Variants in EVI5 observed in about 807,000 individuals in gnomAD.
The protein encoded by EVI5 is ecotropic viral integration site 5.
Under a neutral mutation model 112.0 loss-of-function variants are expected in EVI5, and 73 were observed. That is an observed-to-expected ratio of 0.65 (90% CI 0.54 to 0.79). The LOEUF (loss-of-function observed/expected upper bound fraction) is 0.79. EVI5 is among the 30% of genes least tolerant of loss of function. EVI5 has a pLI of 0.00. For missense variants in EVI5, 900 were observed against 968.8 expected (o/e 0.93, Z 0.94); for synonymous variants, 305 against 319.9 (o/e 0.95, Z 0.50).
chr1:92,636,278 A>T lies in EVI5; in HGVS notation c.1451T>A (p.Val484Asp). Residue 484 changes from valine to aspartate, a missense_variant, in exon 14 of 20, where the codon GTC becomes GAC. Val to Asp is a radical substitution (Grantham distance 152). Transcript: ENST00000684568. ...DFVLQLEKEL[V>D]QARLSEAESQ... ...CTCAGCTTCACTCAGTCGGGCTTGG[A>T]CCAATTCCTTCTCTAGCTGTAGCAC... 6.2e-7 allele frequency: 1 copy of T among 1,613,750 alleles called. No individual in the cohort carries two copies. The highest frequency in any genetic ancestry group is 8.5e-7 in the Non-Finnish European group (1 of 1,179,662).
chr1:92,728,387 C>CT lies in EVI5; in HGVS notation c.149+8010dup, dbSNP rs60133611. ...TCACTTGCCATGGTTTCTTTTTTTT[C>CT]TTTTTTTTTTGGAGACAAAGTCTCG... On this transcript the variant is annotated intron_variant, in intron 2 of 19. Coordinates refer to ENST00000684568, the MANE Select transcript of EVI5 (RefSeq NM_001350197.2). 1.0e-3 allele frequency among the ~76,000 whole-genome samples: 154 copies of CT among 147,996 alleles called. 1 individual carries two copies. Among genetic ancestry groups the CT allele is most frequent in the Non-Finnish European group, 1.1e-3 (76 of 66,970 alleles).
chr1:92,680,368 G>A (rs1173465191), intron 9 of EVI5, among the ~76,000 whole-genome samples: 2 of 152,176 alleles, frequency 1.3e-5, no homozygotes, highest in Non-Finnish European at 2.9e-5. Context: ...GGTTGCAAGG[G>A]TTCCCACTGG....
At chr1:92,752,973 T>C (rs1186824507) in intron 1 of EVI5, among the ~76,000 whole-genome samples, 1 of 151,818 alleles carries the variant, frequency 6.6e-6, no homozygotes, top group Non-Finnish European at 1.5e-5. Context: ...GTCAGACAAA[T>C]AGTGAATAAA....
chr1:92,782,412 A>C (rs955671356), intron 1 of EVI5, among the ~76,000 whole-genome samples: 1 of 152,210 alleles, frequency 6.6e-6, no homozygotes, highest in African/African-American at 2.4e-5. Flanking sequence ...ATCCAGAATA[A>C]AGCATTATAA....
chr1:92,630,750 A>G (rs1571988195), intron 14 of EVI5, among the ~76,000 whole-genome samples: 1 of 152,256 alleles, frequency 6.6e-6, no homozygotes. Flanking sequence ...GCCCACGCCT[A>G]TGTCCTAAAT....
At chr1:92,784,666 G>C (rs908851058) in intron 1 of EVI5, among the ~76,000 whole-genome samples, 170 bp downstream of exon 1, 1 of 151,964 alleles carries the variant, frequency 6.6e-6, no homozygotes, top group Non-Finnish European at 1.5e-5. Context: ...GAGGAAGCGA[G>C]TGCAGGGAAC....
intron 19 of EVI5, among the ~76,000 whole-genome samples, chr1:92,543,769 T>A (rs1465683103): frequency 6.6e-6 from 1 of 152,178 alleles, no homozygotes; most frequent in Non-Finnish European, 1.5e-5. Flanking sequence ...TGAAAAAGTT[T>A]AAAAAATTGT....
At chr1:92,557,488 G>A (rs987347587) in intron 19 of EVI5, among the ~76,000 whole-genome samples, 5 of 151,600 alleles carry the variant, frequency 3.3e-5, no homozygotes, top group East Asian at 1.9e-4. Flanking sequence ...TAGTAGAGAC[G>A]GGGTTTAGCC....
intron 19 of EVI5, among the ~76,000 whole-genome samples, chr1:92,524,019 C>T (rs1395368366): frequency 6.6e-6 from 1 of 150,964 alleles, no homozygotes; most frequent in Non-Finnish European, 1.5e-5. Context: ...ATTGCTTGAA[C>T]TTGGGAGGTG....
chr1:92,762,070 G>A (rs372785949), intron 1 of EVI5, among the ~76,000 whole-genome samples: 2 of 152,054 alleles, frequency 1.3e-5, no homozygotes, highest in African/African-American at 4.8e-5. Context: ...AAGATACACA[G>A]AGCACTGGCT....
At chr1:92,629,910 T>C (rs1031235874) in intron 14 of EVI5, among the ~76,000 whole-genome samples, 2 of 147,982 alleles carry the variant, frequency 1.4e-5, no homozygotes, top group African/African-American at 2.5e-5. Flanking sequence ...AGTGAGAACA[T>C]GTGGTGTTTG....
chr1:92,770,572 C>T (rs968994324), intron 1 of EVI5, among the ~76,000 whole-genome samples: 5 of 152,052 alleles, frequency 3.3e-5, no homozygotes, highest in Admixed American at 6.5e-5. Context: ...GGGCTGATCA[C>T]GAGGTCAGGA....
chr1:92,775,015 G>GATAGTAAAAATTCCCCATGTC (rs1683921116), intron 1 of EVI5, among the ~76,000 whole-genome samples: 1 of 152,202 alleles, frequency 6.6e-6, no homozygotes, highest in South Asian at 2.1e-4. Context: ...CACCATGAGA[G>GATAGTAAAAATTCCCCATGTC]ATAGTAAAAA....
chr1:92,662,084 C>T (rs996971553), intron 13 of EVI5, among the ~76,000 whole-genome samples: 2 of 152,080 alleles, frequency 1.3e-5, no homozygotes, highest in Admixed American at 6.5e-5. Context: ...CTGTTTAGTA[C>T]GCACCCTAGG....
chr1:92,592,735 GAT>G (rs1229329890), intron 18 of EVI5, among the ~76,000 whole-genome samples: 4 of 152,076 alleles, frequency 2.6e-5, no homozygotes, highest in Admixed American at 6.6e-5. Context: ...TGATAAAGGG[GAT>G]ATCACCACCG....
chr1:92,704,601 A>T lies in EVI5; in HGVS notation c.293T>A (p.Val98Asp), dbSNP rs1434201146. 6.3e-7 allele frequency: 1 copy of T among 1,591,764 alleles called. No homozygotes were observed. The highest frequency in any genetic ancestry group is 1.3e-5 in the African/African-American group (1 of 74,136). The change falls in exon 3 of 20, where the codon GTT (valine) becomes GAT (aspartate). Residue 98 changes from valine (V) to aspartate (D), a missense_variant. Val to Asp is a radical substitution (Grantham distance 152). Coordinates refer to ENST00000684568, the MANE Select transcript of EVI5 (RefSeq NM_001350197.2). ...TTTGCGTACATCTTCCCATTCATTA[A>T]CAATTCTTCCCCAAAGAATCCAAGA... ...EDSWILWGRI[V>D]NEWEDVRKKK...
chr1:92,779,446 C>G (rs13374365), intron 1 of EVI5, among the ~76,000 whole-genome samples: 1 of 151,658 alleles, frequency 6.6e-6, no homozygotes, highest in Admixed American at 6.6e-5. Flanking sequence ...CGCTTGTACC[C>G]GGAAGATGGT....
chr1:92,558,357 A>G (rs1667999089), intron 19 of EVI5, among the ~76,000 whole-genome samples: 2 of 152,072 alleles, frequency 1.3e-5, no homozygotes, highest in African/African-American at 2.4e-5. Context: ...TGCCTATCTG[A>G]TATCTTCATT....
intron 18 of EVI5, among the ~76,000 whole-genome samples, chr1:92,587,410 T>C (rs890292527): frequency 6.8e-5 from 10 of 146,708 alleles, no homozygotes; most frequent in African/African-American, 2.5e-4. Flanking sequence ...AAAAAAACTA[T>C]TAACAAGTTA....
Sources: gnomAD v4.1 joint callset for allele counts (sites outside exome capture counted in the v4.1 genomes callset) on GRCh38, gnomAD v4.1.1 for gene constraint, MANE v1.5 for transcripts, NCBI Gene and HGNC (gene_info 2026-07-23, HGNC 2026-07-21) for gene names.